Variants in RRBP1 observed in about 807,000 individuals in gnomAD.
RRBP1 encodes the protein ribosome binding protein 1.
A neutral mutation model predicts 165.2 loss-of-function variants in RRBP1; 94 were observed. That is an observed-to-expected ratio of 0.57 (90% confidence interval 0.48 to 0.68). The LOEUF (loss-of-function observed/expected upper bound fraction) is 0.68. Ranked by LOEUF, RRBP1 falls within the 30% of genes least tolerant of loss-of-function variation. RRBP1 has a pLI of 0.00. For missense variants in RRBP1, 1,676 were observed against 1,763.0 expected (o/e 0.95, Z 0.88); for synonymous variants, 680 against 714.5 (o/e 0.95, Z 0.77).
intron 13 of RRBP1, among the ~76,000 whole-genome samples, chr20:17,623,580 G>A (rs891360697): frequency 1.3e-5 from 2 of 152,190 alleles, no homozygotes; most frequent in African/African-American, 2.4e-5. Flanking sequence ...CAGGGCCAAC[G>A]CGGCCTCTGT....
Position 17,614,627 on chromosome 20 carries a change from C to G in RRBP1, c.4194+110G>C, listed in dbSNP as rs933924327. ...GCCTCCCCTGGGGCTCCCAGCCCAGCGCTCCCAGCAGCTTGACGACTCCGC... is the reference window on the plus strand; with the variant it reads ...GCCTCCCCTGGGGCTCCCAGCCCAGGGCTCCCAGCAGCTTGACGACTCCGC... On this transcript the variant is annotated intron_variant, in intron 24 of 24. Coordinates refer to ENST00000377813, the MANE Select transcript of RRBP1 (RefSeq NM_001365613.2). 10 of 1,386,026 alleles carry G rather than the reference C, an allele frequency of 7.2e-6. No individual in the cohort carries two copies. The African/African-American group carries it at 1.1e-4, about 16-fold the overall frequency. The allele number at this position is 1,386,026 out of a possible 1,614,324, so 85.9% of individuals were successfully genotyped here.
At chr20:17,676,176 T>C (rs2037078708) in intron 2 of RRBP1, among the ~76,000 whole-genome samples, 1 of 152,172 alleles carries the variant, frequency 6.6e-6, no homozygotes. Context: ...GCCACTGTAC[T>C]CCAGCCTGGG....
intron 19 of RRBP1, 200 bp downstream of exon 19, chr20:17,619,433 C>T (rs1412955256): frequency 4.3e-6 from 2 of 468,368 alleles, no homozygotes; most frequent in African/African-American, 4.0e-5. Context: ...GGGAGGCTGC[C>T]TTTTTGAAAC....
At chr20:17,646,786 C>G (rs1280927129) in intron 3 of RRBP1, among the ~76,000 whole-genome samples, 2 of 152,188 alleles carry the variant, frequency 1.3e-5, no homozygotes, top group African/African-American at 4.8e-5. Flanking sequence ...CTCTCACTGT[C>G]AACTGTGGCG....
intron 2 of RRBP1, among the ~76,000 whole-genome samples, chr20:17,667,915 GAC>G (rs1440474085): frequency 1.3e-5 from 2 of 152,196 alleles, no homozygotes; most frequent in African/African-American, 4.8e-5. Context: ...ATTCCATGCT[GAC>G]AGTTTTCTCT....
At chr20:17,639,692 G>C (rs879456413) in intron 5 of RRBP1, among the ~76,000 whole-genome samples, 12 of 152,092 alleles carry the variant, frequency 7.9e-5, no homozygotes, top group Non-Finnish European at 1.0e-4. Context: ...TCGGGAGTTC[G>C]AGACCAGCCC....
At chr20:17,616,321 CCTCTTGGTGAGGA>C (rs1160283649) in intron 21 of RRBP1, among the ~76,000 whole-genome samples, 13 of 152,300 alleles carry the variant, frequency 8.5e-5, no homozygotes, top group Admixed American at 3.9e-4. Context: ...ACAGGCCCTG[CCTCTTGGTGAGGA>C]CTCTTGGTGG....
At chr20:17,652,485 G>A (rs992641082) in intron 3 of RRBP1, among the ~76,000 whole-genome samples, 3 of 151,986 alleles carry the variant, frequency 2.0e-5, no homozygotes, top group Middle Eastern at 3.2e-3. Context: ...GCTCCACACC[G>A]GTGATCTAGA....
intron 3 of RRBP1, 55 bp downstream of exon 3, chr20:17,658,540 TA>T (rs2122441319): frequency 7.0e-7 from 1 of 1,438,750 alleles, no homozygotes; most frequent in African/African-American, 1.4e-5. Flanking sequence ...AGAGAATCCA[TA>T]AGTCATTTAA....
At chr20:17,646,203 T>C (rs1211056977) in intron 3 of RRBP1, among the ~76,000 whole-genome samples, 2 of 152,208 alleles carry the variant, frequency 1.3e-5, no homozygotes, top group East Asian at 3.8e-4. Flanking sequence ...TGGGGGAATC[T>C]GAGCCAGAAC....
intron 3 of RRBP1, among the ~76,000 whole-genome samples, chr20:17,651,281 G>A (rs1247374202): frequency 6.6e-6 from 1 of 152,216 alleles, no homozygotes; most frequent in East Asian, 1.9e-4. Flanking sequence ...AACAAATCTT[G>A]TGGGCCTCTC....
intron 4 of RRBP1, among the ~76,000 whole-genome samples, chr20:17,642,123 T>C (rs777138071): frequency 6.6e-6 from 1 of 152,210 alleles, no homozygotes; most frequent in Non-Finnish European, 1.5e-5. Context: ...ACCCAGCGTG[T>C]GTTGGGACTG....
rs767582197 is a variant in RRBP1 at position 17,620,935 on chromosome 20, G to A, written c.3415-128C>T. ...GCCTGCTGACTTCATGAGCGCCAGCGTTAGGTGGGGAGGGAAGGCAACCAC... is the reference window on the plus strand; with the variant it reads ...GCCTGCTGACTTCATGAGCGCCAGCATTAGGTGGGGAGGGAAGGCAACCAC... On this transcript the variant is annotated intron_variant, in intron 16 of 24. Transcript: ENST00000377813. 5.1e-5 allele frequency: 35 copies of A among 684,624 alleles called. 1 individual carries two copies. The highest frequency in any genetic ancestry group is 7.4e-5 in the South Asian group (4 of 54,360). 42.4% of individuals were successfully genotyped at this position (684,624 alleles called of 1,614,324 possible).
intron 20 of RRBP1, among the ~76,000 whole-genome samples, chr20:17,617,476 C>A (rs779126300): frequency 6.6e-6 from 1 of 152,238 alleles, no homozygotes; most frequent in Non-Finnish European, 1.5e-5. Context: ...ACCCCAGGTA[C>A]GTGGGAACCC....
At chr20:17,665,121 A>G (rs904738875) in intron 2 of RRBP1, among the ~76,000 whole-genome samples, 6 of 148,656 alleles carry the variant, frequency 4.0e-5, no homozygotes, top group South Asian at 2.1e-4. Flanking sequence ...TGGGGGGGGG[A>G]CACACACACA....
At chr20:17,628,850 A>G (rs773491769) in intron 9 of RRBP1, among the ~76,000 whole-genome samples, 1 of 152,234 alleles carries the variant, frequency 6.6e-6, no homozygotes, top group Non-Finnish European at 1.5e-5. Flanking sequence ...TTTCCAAGTG[A>G]TATCAATGAA....
chr20:17,636,499 G>A (rs1338117569), intron 6 of RRBP1, 78 bp downstream of exon 6: 1 of 1,532,120 alleles, frequency 6.5e-7, no homozygotes, highest in Non-Finnish European at 8.9e-7. Flanking sequence ...TCACCCTTTG[G>A]GCCTCTCTGG....
At chr20:17,674,184 A>G (rs1048599297) in intron 2 of RRBP1, among the ~76,000 whole-genome samples, 4 of 152,236 alleles carry the variant, frequency 2.6e-5, no homozygotes, top group Non-Finnish European at 5.9e-5. Context: ...TAGGTCAGAC[A>G]TTCCCGTTAG....
Position 17,659,913 on chromosome 20 carries a change from C to A in RRBP1, c.595G>T (p.Gly199Cys). Residue 199 changes from glycine (G) to cysteine (C), a missense_variant, in exon 3 of 25, where the codon GGC becomes TGC. Gly to Cys is a radical substitution (Grantham distance 159). This residue lies in a region of RRBP1 where 392 missense variants were observed against 382.5 expected (regional missense o/e 1.02). Transcript: ENST00000377813. ...TTCTGAGTCCCCTCCGCCTTTTTGC[C>A]CTGAGTAGTGCCAGTGGCTGGTGTG... The part of the protein sequence containing the change: ...GNTPATGTTQ[G>C]KKAEGTQNQS... The A allele has an allele frequency of 6.4e-7, 1 of 1,564,854 alleles. No individual in the cohort carries two copies. Among genetic ancestry groups the A allele is most frequent in the Non-Finnish European group, 8.7e-7 (1 of 1,153,358 alleles).
Sources: allele counts gnomAD v4.1 joint callset (sites outside exome capture counted in the v4.1 genomes callset), GRCh38; gene constraint gnomAD v4.1.1; regional missense constraint gnomAD v4.1.1; transcripts MANE v1.5; gene names NCBI Gene and HGNC (gene_info 2026-07-23, HGNC 2026-07-21).